DMD: variants seen among roughly 807,000 people sequenced by gnomAD.
DMD encodes mutant dystrophin.
DMD carries 63 observed loss-of-function variants against 330.1 expected under a neutral mutation model. The observed-to-expected ratio is 0.19, with a 90% CI of 0.16 to 0.24. DMD has a LOEUF of 0.24. Among genes scored for constraint, DMD ranks in the 10% least tolerant of loss-of-function variants. The pLI, the probability that DMD is intolerant of heterozygous loss-of-function variation, is 1.00. For synonymous variants in DMD, 1,223 were observed against 959.8 expected (o/e 1.27, Z -5.07); for missense variants, 3,344 against 2,684.1 (o/e 1.25, Z -5.43).
At chrX:33,296,208 G>A (rs1401130254) in intron 1 of DMD, among the ~76,000 whole-genome samples, 1 of 110,729 alleles carries the variant, frequency 9.0e-6, no homozygotes, top group East Asian at 2.8e-4. Flanking sequence ...AATTATTAAA[G>A]CAAGGTTATT....
intron 55 of DMD, among the ~76,000 whole-genome samples, chrX:31,510,797 C>T (rs1425064683): frequency 9.0e-6 from 1 of 111,064 alleles, no homozygotes; most frequent in Non-Finnish European, 1.9e-5. Context: ...GCGTGAGCCA[C>T]CACACCTGGC....
chrX:32,569,176 A>G (rs1309932188), intron 15 of DMD, among the ~76,000 whole-genome samples: 2 of 111,967 alleles, frequency 1.8e-5, no homozygotes, highest in Non-Finnish European at 3.8e-5. Context: ...AGTAGTGGAT[A>G]TGGAGAAGAG....
chrX:33,015,305 A>T (rs1051534977), intron 2 of DMD, among the ~76,000 whole-genome samples: 4 of 112,174 alleles, frequency 3.6e-5, no homozygotes, highest in Non-Finnish European at 7.5e-5. Context: ...AATGTGGTAC[A>T]TATACACCAT....
At chrX:32,726,811 C>A (rs1486016370) in intron 7 of DMD, among the ~76,000 whole-genome samples, 1 of 109,855 alleles carries the variant, frequency 9.1e-6, no homozygotes, top group African/African-American at 3.3e-5. Flanking sequence ...ATCACATATT[C>A]AAAGAAATTA....
At chrX:32,803,459 A>G (rs186140832) in intron 7 of DMD, among the ~76,000 whole-genome samples, 5 of 104,734 alleles carry the variant, frequency 4.8e-5, no homozygotes, top group African/African-American at 1.8e-4. Flanking sequence ...TCGTGTCTCT[A>G]TCTCCTTCAG....
intron 52 of DMD, among the ~76,000 whole-genome samples, chrX:31,706,975 T>C (rs2084246449): frequency 8.9e-6 from 1 of 112,054 alleles, no homozygotes; most frequent in Non-Finnish European, 1.9e-5. Flanking sequence ...AGAATTAGCA[T>C]AGTTGTGTTC....
chrX:31,386,927 T>G (rs1218853558), intron 60 of DMD, among the ~76,000 whole-genome samples: 1 of 111,683 alleles, frequency 9.0e-6, no homozygotes, highest in Non-Finnish European at 1.9e-5. Flanking sequence ...GGTTGACATC[T>G]CACCACAACT....
At chrX:31,545,765 A>G (rs1285089346) in intron 55 of DMD, among the ~76,000 whole-genome samples, 1 of 111,338 alleles carries the variant, frequency 9.0e-6, no homozygotes, top group African/African-American at 3.3e-5. Context: ...CCTGCCCCCA[A>G]ATGTATCAGG....
chrX:33,203,707 C>T (rs1350441481), intron 1 of DMD, among the ~76,000 whole-genome samples: 2 of 108,445 alleles, frequency 1.8e-5, no homozygotes, highest in African/African-American at 6.7e-5. Flanking sequence ...ATTGAATTTC[C>T]GATCTCCTCT....
chrX:32,195,549 T>C (rs2096995667), intron 44 of DMD, among the ~76,000 whole-genome samples: 1 of 112,690 alleles, frequency 8.9e-6, no homozygotes, highest in African/African-American at 3.2e-5. Flanking sequence ...TTTATATTTA[T>C]TGATTTCTAT....
rs771394196 is a variant in DMD at position 32,445,564 on chromosome X, T to A, written c.3786+2892A>T. 2.7e-5 allele frequency among the ~76,000 whole-genome samples: 3 copies of A among 110,714 alleles called. No individual in the cohort carries two copies. The East Asian group carries it at 8.5e-4, about 31-fold the overall frequency. On this transcript the variant is annotated intron_variant, in intron 27 of 78. Coordinates refer to ENST00000357033, the MANE Select transcript of DMD (RefSeq NM_004006.3). ...AAATTTAAATTAGAGTACATTTTAA[T>A]AACTAAAAGTGAATAAAAAGTAATG...
intron 21 of DMD, among the ~76,000 whole-genome samples, chrX:32,484,290 A>G (rs1405718958): frequency 8.9e-6 from 1 of 112,219 alleles, no homozygotes; most frequent in Non-Finnish European, 1.9e-5. Flanking sequence ...GATACTATGT[A>G]TTAACATCAT....
intron 44 of DMD, among the ~76,000 whole-genome samples, chrX:32,129,107 TAC>T (rs1247616487): frequency 9.0e-6 from 1 of 111,636 alleles, no homozygotes; most frequent in Non-Finnish European, 1.9e-5. Flanking sequence ...ATCTTTTCCA[TAC>T]TAAAAATGTA....
intron 44 of DMD, among the ~76,000 whole-genome samples, chrX:32,019,289 C>T (rs879088169): frequency 2.7e-5 from 3 of 110,949 alleles, no homozygotes; most frequent in East Asian, 2.8e-4. Flanking sequence ...TACTATGTCA[C>T]GACGAATATA....
chrX:32,409,179 A>G (rs897911148), intron 30 of DMD, among the ~76,000 whole-genome samples: 1 of 111,707 alleles, frequency 9.0e-6, no homozygotes, highest in African/African-American at 3.2e-5. Flanking sequence ...CCTGGAGCAG[A>G]AGAATGTTTT....
At chrX:31,317,573 C>T (rs958394732) in intron 62 of DMD, among the ~76,000 whole-genome samples, 8 of 100,832 alleles carry the variant, frequency 7.9e-5, no homozygotes, top group East Asian at 3.1e-4. Context: ...AGTGCAGTGG[C>T]GCGATCTCGT....
chrX:32,755,285 C>A (rs72626049), intron 7 of DMD, among the ~76,000 whole-genome samples: 1 of 105,865 alleles, frequency 9.4e-6, no homozygotes, highest in African/African-American at 3.5e-5. Flanking sequence ...CAAAGAAATT[C>A]TCTCCTCTAA....
intron 52 of DMD, among the ~76,000 whole-genome samples, chrX:31,701,778 T>A (rs1214756313): frequency 8.9e-6 from 1 of 112,601 alleles, no homozygotes; most frequent in African/African-American, 3.2e-5. Context: ...AGCATCAGCA[T>A]CACCTGATAA....
At position 32,541,456 on chromosome X, in the gene DMD, C is replaced by G. The variant is rs141127975; in HGVS notation, c.2168+3703G>C. ...ATGTATTAAATGCTTATTTAATCCT[C>G]ATGACAGTTGTTTTATAAAGTGAGA... On this transcript the variant is annotated intron_variant, in intron 17 of 78. Coordinates refer to ENST00000357033, the MANE Select transcript of DMD (RefSeq NM_004006.3). Among the ~76,000 whole-genome samples the G allele has an allele frequency of 5.6e-3, 626 of 112,208 alleles. 3 individuals are homozygous for G. The highest frequency in any genetic ancestry group is 9.0e-3 in the Non-Finnish European group (481 of 53,235).
Sources: gnomAD v4.1 joint callset for allele counts (sites outside exome capture counted in the v4.1 genomes callset) on GRCh38, gnomAD v4.1.1 for gene constraint, MANE v1.5 for transcripts, NCBI Gene and HGNC (gene_info 2026-07-23, HGNC 2026-07-21) for gene names.